Variants in CDH13 observed in about 807,000 individuals in gnomAD.
The protein encoded by CDH13 is cadherin-13.
In CDH13, 24 loss-of-function variants were observed where a neutral mutation model predicts 63.8. The ratio of observed to expected loss-of-function variants is 0.38; its 90% CI spans 0.27 to 0.53. CDH13 has a LOEUF of 0.53. Among genes scored for constraint, CDH13 ranks in the 20% least tolerant of loss-of-function variants. The pLI is 0.85. For missense variants in CDH13, 1,049 were observed against 903.1 expected, an observed-to-expected ratio of 1.16 and a Z score of -2.07; for synonymous variants, 503 against 355.3, an observed-to-expected ratio of 1.42 and a Z score of -4.67.
chr16:82,878,343 G>C (rs996898802), intron 2 of CDH13, among the ~76,000 whole-genome samples: 2 of 151,778 alleles, frequency 1.3e-5, no homozygotes, highest in African/African-American at 4.8e-5. Flanking sequence ...AAAGTCTTTA[G>C]ACTAAATGTT....
chr16:83,362,789 C>T (rs577250905), intron 6 of CDH13, among the ~76,000 whole-genome samples: 6 of 152,172 alleles, frequency 3.9e-5, no homozygotes, highest in African/African-American at 1.2e-4. Context: ...ACTTATTCGG[C>T]GGTCTCTAAC....
chr16:82,736,690 C>G (rs957625924), intron 1 of CDH13, among the ~76,000 whole-genome samples: 2 of 152,120 alleles, frequency 1.3e-5, no homozygotes, highest in Non-Finnish European at 1.5e-5. Context: ...TGTTTATCAC[C>G]AATAAATTTT....
At chr16:82,942,233 T>C (rs1228808052) in intron 2 of CDH13, among the ~76,000 whole-genome samples, 1 of 152,144 alleles carries the variant, frequency 6.6e-6, no homozygotes, top group Non-Finnish European at 1.5e-5. Context: ...GAGGTCAAGA[T>C]GTATGATTTT....
At chr16:82,634,025 C>G (rs1375150553) in intron 1 of CDH13, among the ~76,000 whole-genome samples, 1 of 152,266 alleles carries the variant, frequency 6.6e-6, no homozygotes, top group Admixed American at 6.5e-5. Flanking sequence ...CACGTTTTGA[C>G]TTGTCATGTC....
At chr16:83,700,006 C>A (rs530033463) in intron 10 of CDH13, among the ~76,000 whole-genome samples, 1 of 152,192 alleles carries the variant, frequency 6.6e-6, no homozygotes, top group Admixed American at 6.5e-5. Context: ...GACGCTATCA[C>A]CGTGATCTAG....
intron 4 of CDH13, among the ~76,000 whole-genome samples, chr16:83,127,314 C>G (rs2035854529): frequency 6.6e-6 from 1 of 152,192 alleles, no homozygotes; most frequent in African/African-American, 2.4e-5. Context: ...TTTGAAAGAT[C>G]ATCCTGGCTG....
intron 12 of CDH13, among the ~76,000 whole-genome samples, chr16:83,782,962 T>G (rs1013521227): frequency 6.6e-6 from 1 of 152,058 alleles, no homozygotes; most frequent in Non-Finnish European, 1.5e-5. Context: ...TTGAAACTGA[T>G]TATAATCGCG....
intron 8 of CDH13, among the ~76,000 whole-genome samples, chr16:83,625,691 C>T (rs924278875): frequency 6.6e-6 from 1 of 152,198 alleles, no homozygotes; most frequent in Non-Finnish European, 1.5e-5. Flanking sequence ...ACATCTGACC[C>T]ATCGTCCCCT....
At chr16:82,858,834 C>T in intron 2 of CDH13, 1 of 325,408 alleles carries the variant, frequency 3.1e-6, no homozygotes. Flanking sequence ...GATTGCTGTT[C>T]TACCTGTAGT....
intron 7 of CDH13, among the ~76,000 whole-genome samples, chr16:83,570,972 A>T (rs71388391): frequency 0.011 from 1,214 of 109,202 alleles, 18 homozygotes; most frequent in African/African-American, 0.033. Context: ...TATATATATA[A>T]AAACCTTCTG....
intron 6 of CDH13, among the ~76,000 whole-genome samples, chr16:83,462,468 G>C (rs948711835): frequency 6.6e-6 from 1 of 152,220 alleles, no homozygotes; most frequent in Non-Finnish European, 1.5e-5. Flanking sequence ...AAAGAAATTA[G>C]AGGCAAGGTG....
intron 2 of CDH13, among the ~76,000 whole-genome samples, chr16:82,926,445 C>G (rs2042306513): frequency 6.6e-6 from 1 of 152,200 alleles, no homozygotes; most frequent in Non-Finnish European, 1.5e-5. Context: ...AAACCTTGCC[C>G]TGAACAATTC....
intron 5 of CDH13, among the ~76,000 whole-genome samples, chr16:83,283,753 C>G (rs758062648): frequency 2.0e-5 from 3 of 152,152 alleles, no homozygotes; most frequent in Non-Finnish European, 4.4e-5. Context: ...TTAGTTTGAG[C>G]TGGAAATAAC....
intron 7 of CDH13, among the ~76,000 whole-genome samples, chr16:83,600,147 G>C (rs1312300955): frequency 6.6e-6 from 1 of 152,132 alleles, no homozygotes; most frequent in Non-Finnish European, 1.5e-5. Flanking sequence ...GGCAGAACCA[G>C]GGCAGATGGC....
intron 7 of CDH13, among the ~76,000 whole-genome samples, chr16:83,601,790 T>C (rs1482445590): frequency 6.6e-6 from 1 of 152,088 alleles, no homozygotes; most frequent in East Asian, 1.9e-4. Flanking sequence ...GATATGGATG[T>C]AAACATTAAA....
rs150429829 is a variant in CDH13, at chr16:83,293,196, A to G, written c.637-51666A>G. ...GGTCTTTGCACTACTCATATCTGAT[A>G]AGGGCCAAATCCTATGATAAGAGGT... On this transcript the variant is annotated intron_variant, in intron 5 of 13. Coordinates refer to ENST00000567109, the MANE Select transcript of CDH13 (RefSeq NM_001257.5). Among the ~76,000 whole-genome samples the G allele has an allele frequency of 6.3e-3, 953 of 152,294 alleles. 10 individuals are homozygous for G. Among genetic ancestry groups the G allele is most frequent in the African/African-American group, 0.022 (907 of 41,568 alleles).
intron 3 of CDH13, among the ~76,000 whole-genome samples, chr16:83,048,321 T>C (rs569735164): frequency 8.5e-5 from 13 of 152,338 alleles, no homozygotes; most frequent in Non-Finnish European, 1.5e-4. Flanking sequence ...GGTATAAATA[T>C]GAAGCCCAAT....
intron 2 of CDH13, among the ~76,000 whole-genome samples, chr16:82,992,636 G>A (rs1911783107): frequency 6.6e-6 from 1 of 152,116 alleles, no homozygotes; most frequent in African/African-American, 2.4e-5. Context: ...TTTAAAATTA[G>A]CCTATAAAGA....
chr16:83,177,721 T>A (rs923125129), intron 4 of CDH13, among the ~76,000 whole-genome samples: 2 of 152,226 alleles, frequency 1.3e-5, no homozygotes, highest in African/African-American at 2.4e-5. Flanking sequence ...TTTAGGGTTA[T>A]TTAAATACGT....
Sources: allele counts gnomAD v4.1 joint callset (sites outside exome capture counted in the v4.1 genomes callset), GRCh38; gene constraint gnomAD v4.1.1; transcripts MANE v1.5; gene names NCBI Gene and HGNC (gene_info 2026-07-23, HGNC 2026-07-21).